The following IRGC variants were observed in gnomAD, a reference collection of about 807,000 sequenced individuals.
The protein encoded by IRGC is interferon-inducible GTPase 5.
IRGC carries 4 observed loss-of-function variants against 16.1 expected under a neutral mutation model. The ratio of observed to expected loss-of-function variants is 0.25; its 90% CI spans 0.12 to 0.57. The LOEUF (loss-of-function observed/expected upper bound fraction) is 0.57. Among genes scored for constraint, IRGC ranks in the 20% least tolerant of loss-of-function variants. IRGC has a pLI of 0.92. For missense variants in IRGC, 570 were observed against 643.9 expected (o/e 0.89, Z 1.24); for synonymous variants, 307 against 299.5 (o/e 1.03, Z -0.26).
At position 43,718,717 on chromosome 19, in the gene IRGC, C is replaced by T; in HGVS notation, c.159C>T (p.Ile53=). The change falls in exon 2 of 2, where the codon ATC becomes ATT. Residue 53 remains isoleucine, a synonymous_variant. Transcript: ENST00000244314. ...LQELLASTES[I]RLEVGVTGES... ...AGCTGCTGGCCTCCACGGAAAGCATCCGCCTGGAGGTGGGCGTCACGGGCG... is the reference window on the plus strand; with the variant it reads ...AGCTGCTGGCCTCCACGGAAAGCATTCGCCTGGAGGTGGGCGTCACGGGCG... 6.2e-7 allele frequency: 1 copy of T among 1,613,402 alleles called. No individual in the cohort carries two copies. Among genetic ancestry groups the T allele is most frequent in the East Asian group, 2.2e-5 (1 of 44,888 alleles).
rs752104196 is a variant in IRGC, at chr19:43,718,489, G to A, written c.-66-4G>A. 6.6e-6 allele frequency: 10 copies of A among 1,507,528 alleles called. No homozygotes were observed. In the Admixed American group the frequency reaches 1.3e-4, roughly 20 times the overall value. The allele number at this position is 1,507,528 out of a possible 1,614,324, so 93.4% of individuals were successfully genotyped here. A position where few individuals can be genotyped will look rare whatever the true frequency, so the allele number is the denominator to read the frequency against. On this transcript the variant is annotated splice_region_variant and splice_polypyrimidine_tract_variant and intron_variant, in intron 1 of 1. Transcript: ENST00000244314. The stretch of plus-strand genomic sequence containing the variant: ...GGTGTGAATGGCTCCCTTCTCCTCT[G>A]CAGGCGCTGAGGATCACGCATCCTG...
In IRGC at chr19:43,718,668, C is replaced by T. The variant is rs1375163052; in HGVS notation, c.110C>T (p.Pro37Leu). Residue 37 changes from proline to leucine, a missense_variant, in exon 2 of 2, where the codon CCC (proline) becomes CTC (leucine). Coordinates refer to ENST00000244314, the MANE Select transcript of IRGC (RefSeq NM_019612.4). ...LRTAFESGDL[P>L]QAASHLQELL... ...ACAGCCTTTGAGTCGGGTGACCTCC[C>T]CCAGGCCGCCTCTCACCTCCAGGAG... 6.2e-7 allele frequency: 1 copy of T among 1,613,616 alleles called. No homozygotes were observed.
rs1454372278 is a variant in IRGC at position 43,718,597 on chromosome 19, G to A, written c.39G>A (p.Glu13=). ...AGTTGCCCGTGGTGCCTGGGGAGGAGGAAAACACCATCCTTATGGCCAAGG... is the reference window on the plus strand; with the variant it reads ...AGTTGCCCGTGGTGCCTGGGGAGGAAGAAAACACCATCCTTATGGCCAAGG... The part of the protein sequence containing the change: ...TSKLPVVPGE[E]ENTILMAKER... Residue 13 remains glutamate (E), a synonymous_variant, in exon 2 of 2, where the codon GAG becomes GAA. Coordinates refer to ENST00000244314, the MANE Select transcript of IRGC (RefSeq NM_019612.4). 6.2e-7 allele frequency: 1 copy of A among 1,603,000 alleles called. No homozygotes were observed. The highest frequency in any genetic ancestry group is 2.2e-5 in the East Asian group (1 of 44,738).
At chr19:43,716,451 G>A (rs1156357227) in intron 1 of IRGC, among the ~76,000 whole-genome samples, 4 of 151,280 alleles carry the variant, frequency 2.6e-5, no homozygotes, top group Non-Finnish European at 1.5e-5. Flanking sequence ...TGCAACCTCC[G>A]CCTCCTGGGT....
In IRGC at chr19:43,718,384, A is replaced by G. The variant is rs541273728; in HGVS notation, c.-66-109A>G. The G allele has an allele frequency of 7.8e-5, 101 of 1,295,854 alleles. 1 individual carries two copies. In the Middle Eastern group the frequency reaches 1.7e-3, roughly 22 times the overall value. 80.3% of individuals were successfully genotyped at this position (1,295,854 alleles called of 1,614,324 possible). On this transcript the variant is annotated intron_variant, in intron 1 of 1. Coordinates refer to ENST00000244314, the MANE Select transcript of IRGC (RefSeq NM_019612.4). ...ATGTGTCCCCAATTCTTGAAGGAAAAAGAGAGCTGTGGGCTTCCAGGGCGA... is the reference window on the plus strand; with the variant it reads ...ATGTGTCCCCAATTCTTGAAGGAAAGAGAGAGCTGTGGGCTTCCAGGGCGA...
rs1968250056 is a variant in IRGC, at chr19:43,720,007, A to C, written c.*57A>C. Reference sequence around the variant, plus strand: ...CAAACTAAGTCTTAACAAAATCCAAATTACCAACAAAAAAGGCCGATGTGG... The same window carrying C: ...CAAACTAAGTCTTAACAAAATCCAACTTACCAACAAAAAAGGCCGATGTGG... On this transcript the variant is annotated 3_prime_UTR_variant, in exon 2 of 2. Coordinates refer to ENST00000244314, the MANE Select transcript of IRGC (RefSeq NM_019612.4). The C allele has an allele frequency of 6.3e-7, 1 of 1,583,750 alleles. No homozygotes were observed. Among genetic ancestry groups the C allele is most frequent in the South Asian group, 1.1e-5 (1 of 89,068 alleles).
At chr19:43,716,245 G>T in intron 1 of IRGC, 103 bp downstream of exon 1, 1 of 152,742 alleles carries the variant, frequency 6.5e-6, no homozygotes, top group African/African-American at 2.4e-5. Context: ...CCACTGACTT[G>T]TCTGCCCCTT....
Position 43,719,106 on chromosome 19 carries a change from C to G in IRGC, c.548C>G (p.Ser183Trp). ...GCGGCCACGCGCACCCAGCGGCCGT[C>G]GGGCTTCAGAGAGGCCGCTGTCCTG... Reference protein sequence around the residue: ...DLAATRTQRPSGFREAAVLQE... With the variant: ...DLAATRTQRPWGFREAAVLQE... The change falls in exon 2 of 2, where the codon TCG becomes TGG. Residue 183 changes from serine (S) to tryptophan (W), a missense_variant. Physicochemically the swap from Ser to Trp is radical, Grantham distance 177. Coordinates refer to ENST00000244314, the MANE Select transcript of IRGC (RefSeq NM_019612.4). The G allele has an allele frequency of 1.9e-6, 3 of 1,609,612 alleles. No homozygotes were observed. The highest frequency in any genetic ancestry group is 2.5e-6 in the Non-Finnish European group (3 of 1,177,950).
rs769719908 is a variant in IRGC, at chr19:43,718,920, C to T, written c.362C>T (p.Pro121Leu). The T allele has an allele frequency of 1.3e-5, 21 of 1,612,792 alleles. No homozygotes were observed. Among genetic ancestry groups the T allele is most frequent in the Non-Finnish European group, 1.8e-5 (21 of 1,179,764 alleles). The change falls in exon 2 of 2, where the codon CCG becomes CTG. Residue 121 changes from proline (P) to leucine (L), a missense_variant. Transcript: ENST00000244314. ...DLPGAGSPGC[P>L]ADKYLKQVDF... ...CCAGGAGCCGGCTCTCCAGGCTGCC[C>T]GGCTGACAAGTACCTAAAGCAGGTA...
Position 43,719,596 on chromosome 19 carries a change from C to T in IRGC, c.1038C>T (p.Leu346=). The T allele has an allele frequency of 6.2e-7, 1 of 1,603,016 alleles. No individual in the cohort carries two copies. The change falls in exon 2 of 2, where the codon CTC becomes CTT. Residue 346 remains leucine, a synonymous_variant. Transcript: ENST00000244314. Reference sequence around the variant, plus strand: ...TCTCGCCTGAGACTGTCCTGCGGCTCTATTCCCAGTCGTCCGACGGCGCCA... The same window carrying T: ...TCTCGCCTGAGACTGTCCTGCGGCTTTATTCCCAGTCGTCCGACGGCGCCA... ...NEVSPETVLR[L]YSQSSDGAMR...
chr19:43,717,905 C>G (rs1946176353), intron 1 of IRGC, among the ~76,000 whole-genome samples: 1 of 152,112 alleles, frequency 6.6e-6, no homozygotes, highest in Admixed American at 6.6e-5. Flanking sequence ...CCCATCTCTA[C>G]AAAAAATTTA....
At chr19:43,716,734 G>T (rs1568585090) in intron 1 of IRGC, among the ~76,000 whole-genome samples, 1 of 152,114 alleles carries the variant, frequency 6.6e-6, no homozygotes, top group Non-Finnish European at 1.5e-5. Context: ...GGTGCAGGGG[G>T]CAAGGAGACA....
At position 43,719,320 on chromosome 19, in the gene IRGC, G is replaced by A. The variant is rs1276689733; in HGVS notation, c.762G>A (p.Glu254=). 1.2e-6 allele frequency: 2 copies of A among 1,611,032 alleles called. No individual in the cohort carries two copies. The highest frequency in any genetic ancestry group is 4.5e-5 in the East Asian group (2 of 44,828). Residue 254 remains glutamate, a synonymous_variant, in exon 2 of 2, where the codon GAG becomes GAA. Transcript: ENST00000244314. ...TGTCGCTCCCCGACATCTCGCTGGA[G>A]GCCTTGCAGAAGAAGAAGGCCATGC... ...GLLSLPDISL[E]ALQKKKAMLQ... is the part of the protein sequence containing the mutation.
At chr19:43,718,237 G>A (rs1968199286) in intron 1 of IRGC, 3 of 284,634 alleles carry the variant, frequency 1.1e-5, no homozygotes, top group Non-Finnish European at 1.9e-5. Context: ...GCTGCTTGGT[G>A]GTCATGCCCA....
rs375528390 is a variant in IRGC at position 43,719,538 on chromosome 19, G to A, written c.980G>A (p.Arg327His). The change falls in exon 2 of 2, where the codon CGC becomes CAC. Residue 327 changes from arginine (R) to histidine (H), a missense_variant. By Grantham distance (29) the Arg-to-His change is conservative (BLOSUM62 0). Coordinates refer to ENST00000244314, the MANE Select transcript of IRGC (RefSeq NM_019612.4). ...GTGGGCAAACAGGCAGGTGACCTGC[G>A]CTCGGTCATCCGCTCCCCACTGGCC... ...EQVGKQAGDL[R>H]SVIRSPLANE... is the part of the protein sequence containing the mutation. 1 of 1,602,670 alleles carries A rather than the reference G, an allele frequency of 6.2e-7. No individual in the cohort carries two copies. The highest frequency in any genetic ancestry group is 8.5e-7 in the Non-Finnish European group (1 of 1,179,778).
In IRGC at chr19:43,718,719, G is replaced by A. The variant is rs1344560260; in HGVS notation, c.161G>A (p.Arg54His). ...CTGCTGGCCTCCACGGAAAGCATCC[G>A]CCTGGAGGTGGGCGTCACGGGCGAG... ...QELLASTESI[R>H]LEVGVTGESG... The change falls in exon 2 of 2, where the codon CGC becomes CAC. Residue 54 changes from arginine to histidine, a missense_variant. Coordinates refer to ENST00000244314, the MANE Select transcript of IRGC (RefSeq NM_019612.4). 2.5e-6 allele frequency: 4 copies of A among 1,613,220 alleles called. No individual in the cohort carries two copies. Among genetic ancestry groups the A allele is most frequent in the Admixed American group, 3.3e-5 (2 of 59,992 alleles).
chr19:43,716,379 T>G (rs1399663671), intron 1 of IRGC, among the ~76,000 whole-genome samples: 1 of 152,028 alleles, frequency 6.6e-6, no homozygotes, highest in Non-Finnish European at 1.5e-5. Flanking sequence ...CTTTTTTTTT[T>G]TCTGAGACGG....
In IRGC at chr19:43,719,529, G is replaced by A. The variant is rs138990135; in HGVS notation, c.971G>A (p.Gly324Asp). 1.0e-5 allele frequency: 16 copies of A among 1,603,114 alleles called. No homozygotes were observed. In the African/African-American group the frequency reaches 2.1e-4, roughly 21 times the overall value. ...KLAEQVGKQA[G>D]DLRSVIRSPL... The stretch of plus-strand genomic sequence containing the variant: ...GCCGAGCAGGTGGGCAAACAGGCAG[G>A]TGACCTGCGCTCGGTCATCCGCTCC... Residue 324 changes from glycine (G) to aspartate (D), a missense_variant, in exon 2 of 2, where the codon GGT (glycine) becomes GAT (aspartate). By Grantham distance (94) the Gly-to-Asp change is moderately conservative. Transcript: ENST00000244314.
Position 43,719,841 on chromosome 19 carries a change from C to T in IRGC, c.1283C>T (p.Ser428Phe). 1 of 1,613,946 alleles carries T rather than the reference C, an allele frequency of 6.2e-7. No individual in the cohort carries two copies. The highest frequency in any genetic ancestry group is 1.1e-5 in the South Asian group (1 of 91,070). The change falls in exon 2 of 2, where the codon TCC becomes TTC. Residue 428 changes from serine (S) to phenylalanine (F), a missense_variant. Physicochemically the swap from Ser to Phe is radical, Grantham distance 155. Coordinates refer to ENST00000244314, the MANE Select transcript of IRGC (RefSeq NM_019612.4). ...GACAATGGCGTGGAAAAGGGGGGCT[C>T]CGGGGAGGGAGGTGGGGAGGAAGCC... The part of the protein sequence containing the change: ...ASDNGVEKGG[S>F]GEGGGEEAPL...
Sources: allele counts gnomAD v4.1 joint callset (sites outside exome capture counted in the v4.1 genomes callset), GRCh38; gene constraint gnomAD v4.1.1; transcripts MANE v1.5; gene names NCBI Gene and HGNC (gene_info 2026-07-23, HGNC 2026-07-21).